Variants in PRUNE1 observed in about 807,000 individuals in gnomAD.
PRUNE1 encodes exopolyphosphatase PRUNE1.
Under a neutral mutation model 42.5 loss-of-function variants are expected in PRUNE1, and 25 were observed. The observed-to-expected ratio is 0.59, with a 90% CI of 0.43 to 0.82. The LOEUF is 0.82. Ranked by LOEUF, PRUNE1 falls within the 40% of genes least tolerant of loss-of-function variation. The probability of loss-of-function intolerance (pLI) is 0.00; values close to 1 mark genes in which losing one functional copy is unlikely to be tolerated. For missense variants in PRUNE1, 443 were observed against 539.3 expected, an observed-to-expected ratio of 0.82 and a Z score of 1.77; for synonymous variants, 203 against 217.1, an observed-to-expected ratio of 0.93 and a Z score of 0.57.
chr1:151,017,295 T>C (rs868158729), intron 1 of PRUNE1, among the ~76,000 whole-genome samples: 1 of 152,000 alleles, frequency 6.6e-6, no homozygotes, highest in Non-Finnish European at 1.5e-5. Flanking sequence ...TTGAAGGAGA[T>C]AGGAGGAAAG....
At chr1:151,015,660 C>T (rs945883453) in intron 1 of PRUNE1, among the ~76,000 whole-genome samples, 2 of 145,328 alleles carry the variant, frequency 1.4e-5, no homozygotes, top group Admixed American at 6.9e-5. Context: ...AAAAATTAGT[C>T]GGGCATGGTG....
intron 3 of PRUNE1, among the ~76,000 whole-genome samples, chr1:151,020,300 A>T (rs184872715): frequency 3.4e-4 from 51 of 151,808 alleles, no homozygotes; most frequent in Admixed American, 9.2e-4. Flanking sequence ...AAAATAAAAA[A>T]ATTTGCCAGG....
chr1:151,018,334 A>G (rs777100462), intron 2 of PRUNE1, 133 bp from the exon 3 acceptor site: 2 of 828,778 alleles, frequency 2.4e-6, no homozygotes, highest in African/African-American at 3.3e-5. Flanking sequence ...TTTCATTTTT[A>G]TAGACTGGGT....
rs1382345351 is a variant in PRUNE1, at chr1:151,027,773, T to C, written c.774+446T>C. 6.9e-3 allele frequency among the ~76,000 whole-genome samples: 961 copies of C among 139,694 alleles called. 17 individuals are homozygous for C. Among genetic ancestry groups the C allele is most frequent in the African/African-American group, 0.029 (924 of 31,510 alleles). 91.6% of individuals were successfully genotyped at this position (139,694 alleles called of 152,430 possible). A position where few individuals can be genotyped will look rare whatever the true frequency, so the allele number is the denominator to read the frequency against. ...GTGTGTGTGTGTGTGTGTGTGTGTG[T>C]GTGTGTGTGCGCGCGCGTGTATGTA... On this transcript the variant is annotated intron_variant, in intron 6 of 7. Coordinates refer to ENST00000271620, the MANE Select transcript of PRUNE1 (RefSeq NM_021222.3).
chr1:151,021,966 A>AC (rs1403890834), intron 3 of PRUNE1, among the ~76,000 whole-genome samples: 1 of 133,340 alleles, frequency 7.5e-6, no homozygotes, highest in Admixed American at 7.5e-5. Context: ...CCGTGCCACC[A>AC]CCTTTTTTTT....
rs751656860 is a variant in PRUNE1, at chr1:151,033,887, T to C, written c.1015T>C (p.Tyr339His). 5 of 1,613,892 alleles carry C rather than the reference T, an allele frequency of 3.1e-6. No individual in the cohort carries two copies. In the East Asian group the frequency reaches 1.1e-4, roughly 36 times the overall value. Residue 339 changes from tyrosine to histidine, a missense_variant, in exon 8 of 8, where the codon TAT becomes CAT. Physicochemically the swap from Tyr to His is moderately conservative, Grantham distance 83 (BLOSUM62 2). Transcript: ENST00000271620. The stretch of plus-strand genomic sequence containing the variant: ...AAGTACCCACCCTAACCTCCATGCC[T>C]ATCTTCAAGGCAACACCCAGGTCTC... ...ASSTHPNLHAYLQGNTQVSRK... is the reference protein window; with the variant it reads ...ASSTHPNLHAHLQGNTQVSRK...
intron 2 of PRUNE1, 38 bp from the exon 3 acceptor site, chr1:151,018,428 TA>T: frequency 6.5e-7 from 1 of 1,539,114 alleles, no homozygotes; most frequent in East Asian, 2.2e-5. Flanking sequence ...CCTGTCATTA[TA>T]AAACCTTGTG....
chr1:151,020,489 G>A (rs1262769634), intron 3 of PRUNE1, among the ~76,000 whole-genome samples: 1 of 151,572 alleles, frequency 6.6e-6, no homozygotes, highest in Non-Finnish European at 1.5e-5. Flanking sequence ...AGGGCCAGGT[G>A]TGGTGGCTCA....
chr1:151,028,176 A>C (rs1252341153), intron 6 of PRUNE1, among the ~76,000 whole-genome samples: 1 of 151,976 alleles, frequency 6.6e-6, no homozygotes, highest in Non-Finnish European at 1.5e-5. Context: ...GTTTTTCCTG[A>C]CCACCCTAAC....
intron 7 of PRUNE1, among the ~76,000 whole-genome samples, chr1:151,031,194 T>TGTGTG (rs1383919694): frequency 1.6e-5 from 2 of 125,580 alleles, no homozygotes; most frequent in African/African-American, 6.6e-5. Flanking sequence ...TGTGTGTGTG[T>TGTGTG]TTTTTTTTTT....
At position 151,008,605 on chromosome 1, in the gene PRUNE1, G is replaced by C. The variant is rs1461099962; in HGVS notation, c.-28G>C. 1 of 1,614,164 alleles carries C rather than the reference G, an allele frequency of 6.2e-7. No homozygotes were observed. Among genetic ancestry groups the C allele is most frequent in the South Asian group, 1.1e-5 (1 of 91,078 alleles). On this transcript the variant is annotated 5_prime_UTR_variant, in exon 1 of 8. Transcript: ENST00000271620. ...GACCAGGGGCACCTCTACTCGACCA[G>C]GGGCGACGGCGTACTTTGGGCTTCA...
rs780894585 is a variant in PRUNE1, at chr1:151,034,042, A to G, written c.1170A>G (p.Ala390=). 1.5e-5 allele frequency: 25 copies of G among 1,614,194 alleles called. No individual in the cohort carries two copies. In the East Asian group the frequency reaches 5.6e-4, roughly 36 times the overall value. The part of the protein sequence containing the change: ...REQVDKELDR[A]SNSLISGLSQ... The stretch of plus-strand genomic sequence containing the variant: ...AAGTGGACAAGGAATTGGACAGGGC[A>G]AGTAACTCCCTGATTTCTGGCCTGA... Residue 390 remains alanine, a synonymous_variant, in exon 8 of 8, where the codon GCA becomes GCG. Transcript: ENST00000271620.
rs138602074 is a variant in PRUNE1 at position 151,034,215 on chromosome 1, C to T, written c.1343C>T (p.Ala448Val). The change falls in exon 8 of 8, where the codon GCC becomes GTC. Residue 448 changes from alanine (A) to valine (V), a missense_variant. Coordinates refer to ENST00000271620, the MANE Select transcript of PRUNE1 (RefSeq NM_021222.3). ...ATCTCACTGTCACAGTCTACCACAG[C>T]CTCCCTGTCCAAGAAGTGACTGTTG... ...SQISLSQSTT[A>V]SLSKK is the part of the protein sequence containing the mutation. 26,481 of 1,611,014 alleles carry T rather than the reference C, an allele frequency of 0.016. 266 individuals are homozygous for T. Among genetic ancestry groups the T allele is most frequent in the Non-Finnish European group, 0.018 (21,439 of 1,177,908 alleles).
chr1:151,015,358 G>C (rs1382472997), intron 1 of PRUNE1, among the ~76,000 whole-genome samples: 1 of 144,510 alleles, frequency 6.9e-6, no homozygotes, highest in Admixed American at 7.1e-5. Context: ...AACAAGGGCC[G>C]GGCACGGTGG....
chr1:151,016,633 C>T (rs1049936615), intron 1 of PRUNE1, among the ~76,000 whole-genome samples: 3 of 151,884 alleles, frequency 2.0e-5, no homozygotes, highest in African/African-American at 7.3e-5. Flanking sequence ...TCCTGAGTAG[C>T]TGGGATTACA....
intron 7 of PRUNE1, among the ~76,000 whole-genome samples, chr1:151,033,391 CTT>C (rs1409975062): frequency 2.0e-4 from 25 of 126,742 alleles, no homozygotes; most frequent in Non-Finnish European, 2.0e-4. Context: ...GGCTGACTTA[CTT>C]TTTTTTTTTT....
chr1:151,017,229 G>C (rs1674161621), intron 1 of PRUNE1, among the ~76,000 whole-genome samples: 1 of 151,884 alleles, frequency 6.6e-6, no homozygotes, highest in Non-Finnish European at 1.5e-5. Flanking sequence ...TTGACTGTTT[G>C]AGTGCCCAAA....
At chr1:151,016,542 C>T (rs35410816) in intron 1 of PRUNE1, among the ~76,000 whole-genome samples, 26,092 of 151,878 alleles carry the variant, frequency 0.17, 2,641 homozygotes, top group East Asian at 0.43. Flanking sequence ...GCTCTTGTTG[C>T]CCAGGCTGGA....
At chr1:151,011,507 A>G (rs1432040301) in intron 1 of PRUNE1, among the ~76,000 whole-genome samples, 1 of 152,172 alleles carries the variant, frequency 6.6e-6, no homozygotes, top group Non-Finnish European at 1.5e-5. Flanking sequence ...GGCTCTCCTT[A>G]GAAATTTGCA....
Sources: gnomAD v4.1 joint callset for allele counts (sites outside exome capture counted in the v4.1 genomes callset) on GRCh38, gnomAD v4.1.1 for gene constraint, MANE v1.5 for transcripts, NCBI Gene and HGNC (gene_info 2026-07-23, HGNC 2026-07-21) for gene names.